UNC5A: variants seen among roughly 807,000 people sequenced by gnomAD.
UNC5A encodes netrin receptor UNC5A.
UNC5A carries 20 observed loss-of-function variants against 87.4 expected under a neutral mutation model. The ratio of observed to expected loss-of-function variants is 0.23; its 90% CI spans 0.16 to 0.33. The LOEUF (loss-of-function observed/expected upper bound fraction) is 0.33, where lower values mean the gene tolerates loss of function less well. UNC5A is among the 10% of genes least tolerant of loss of function. UNC5A has a pLI of 1.00. For synonymous variants in UNC5A, 438 were observed against 482.3 expected, an observed-to-expected ratio of 0.91 and a Z score of 1.20; for missense variants, 844 against 1,133.4, an observed-to-expected ratio of 0.74 and a Z score of 3.67.
chr5:176,877,944 G>C lies in UNC5A; in HGVS notation c.1686G>C (p.Gln562His). 1 of 1,603,958 alleles carries C rather than the reference G, an allele frequency of 6.2e-7. No individual in the cohort carries two copies. The change falls in exon 11 of 15, where the codon CAG becomes CAC. Residue 562 changes from glutamine to histidine, a missense_variant. By Grantham distance (24) the Gln-to-His change is conservative (BLOSUM62 0). Coordinates refer to ENST00000329542, the MANE Select transcript of UNC5A (RefSeq NM_133369.3). ...EEAPSHLYYC[Q>H]LEASACYVFT... ...CGCCCTCCCACCTCTACTACTGCCA[G>C]CTGGAGGCCAGTGCCTGCTACGTCT... is the stretch of plus-strand genomic sequence containing the variant.
chr5:176,875,853 T>G lies in UNC5A; in HGVS notation c.1378+1287T>G, dbSNP rs1191976913. On this transcript the variant is annotated intron_variant, in intron 8 of 14. Transcript: ENST00000329542. The surrounding 1 kb of genome is among the most constrained non-coding windows in gnomAD (Gnocchi z 5.2). ...CCCACCAGCTCAGCTGGGACTTCTC[T>G]TTTGGGTCCCCGCCTGACAGCTCTT... Among the ~76,000 whole-genome samples, 1 of 152,192 alleles carries G rather than the reference T, an allele frequency of 6.6e-6. No individual in the cohort carries two copies. Among genetic ancestry groups the G allele is most frequent in the Non-Finnish European group, 1.5e-5 (1 of 68,038 alleles).
intron 1 of UNC5A, among the ~76,000 whole-genome samples, chr5:176,850,931 CCCAG>C (rs1757525722): frequency 2.0e-5 from 3 of 151,928 alleles, no homozygotes; most frequent in African/African-American, 7.3e-5. Context: ...CCCAGGACTT[CCCAG>C]TGCTCCCAGG....
In UNC5A at chr5:176,834,434, G is replaced by A. The variant is rs183196267; in HGVS notation, c.70+23614G>A. Among the ~76,000 whole-genome samples, 7 of 152,292 alleles carry A rather than the reference G, an allele frequency of 4.6e-5. No individual in the cohort carries two copies. The East Asian group carries it at 9.7e-4, about 21-fold the overall frequency. Reference sequence around the variant, plus strand: ...ATTTATTCCCCAGGGCCCAGGAGGGGCCATTCATTTAAAGAGTTTTCTATG... The same window carrying A: ...ATTTATTCCCCAGGGCCCAGGAGGGACCATTCATTTAAAGAGTTTTCTATG... On this transcript the variant is annotated intron_variant, in intron 1 of 14. Coordinates refer to ENST00000329542, the MANE Select transcript of UNC5A (RefSeq NM_133369.3).
intron 6 of UNC5A, among the ~76,000 whole-genome samples, chr5:176,873,240 T>C (rs557985594): frequency 1.1e-4 from 17 of 151,972 alleles, no homozygotes; most frequent in Non-Finnish European, 1.9e-4. Context: ...CAAGTGCACA[T>C]ACAGGTCCTG....
At position 176,880,832 on chromosome 5, in the gene UNC5A, G is replaced by T. The variant is rs751463625; in HGVS notation, c.*946G>T. ...TGGCCTTATGTACACAGCCTTGCCC[G>T]GCCGCCGGGGCACATAGGGGTTTTA... On this transcript the variant is annotated 3_prime_UTR_variant, in exon 15 of 15. Coordinates refer to ENST00000329542, the MANE Select transcript of UNC5A (RefSeq NM_133369.3). 2.3e-6 allele frequency: 1 copy of T among 426,830 alleles called. No homozygotes were observed. The highest frequency in any genetic ancestry group is 4.1e-6 in the Non-Finnish European group (1 of 243,830). The allele number at this position is 426,830 out of a possible 1,614,324, so 26.4% of individuals were successfully genotyped here. A position where few individuals can be genotyped will look rare whatever the true frequency, so the allele number is the denominator to read the frequency against.
intron 1 of UNC5A, among the ~76,000 whole-genome samples, chr5:176,847,995 TTC>T (rs1298528518): frequency 6.6e-6 from 1 of 152,052 alleles, no homozygotes; most frequent in Non-Finnish European, 1.5e-5. Flanking sequence ...AGGGCTGGGC[TTC>T]TTGAGGGCGG....
At chr5:176,813,927 A>C (rs956152341) in intron 1 of UNC5A, among the ~76,000 whole-genome samples, 7 of 151,934 alleles carry the variant, frequency 4.6e-5, no homozygotes, top group Admixed American at 2.6e-4. Flanking sequence ...CCCCTCTCCC[A>C]ATGCCCCCTC....
At position 176,815,444 on chromosome 5, in the gene UNC5A, G is replaced by C. The variant is rs930144245; in HGVS notation, c.70+4624G>C. The stretch of plus-strand genomic sequence containing the variant: ...CAGGCTAAGCTTTGGAGGCAGTCAG[G>C]GTCAACTTCCAACCCAAGCCTCGTG... On this transcript the variant is annotated intron_variant, in intron 1 of 14. Coordinates refer to ENST00000329542, the MANE Select transcript of UNC5A (RefSeq NM_133369.3). Among the ~76,000 whole-genome samples the C allele has an allele frequency of 1.1e-4, 17 of 152,200 alleles. No individual in the cohort carries two copies. In the South Asian group the frequency reaches 1.7e-3, roughly 15 times the overall value.
intron 1 of UNC5A, among the ~76,000 whole-genome samples, chr5:176,826,636 CTTTTTT>C (rs34466725): frequency 8.2e-5 from 6 of 72,748 alleles, no homozygotes; most frequent in East Asian, 8.6e-4. Flanking sequence ...AGTTTCCAAA[CTTTTTT>C]TTTTTTTTTT....
chr5:176,847,915 A>G (rs1311291623), intron 1 of UNC5A, among the ~76,000 whole-genome samples: 3 of 149,962 alleles, frequency 2.0e-5, no homozygotes, highest in Non-Finnish European at 4.4e-5. Flanking sequence ...ACATGGAAGC[A>G]GCGCCTGCGT....
At chr5:176,839,833 T>TTTTTC (rs1017880692) in intron 1 of UNC5A, among the ~76,000 whole-genome samples, 3 of 141,356 alleles carry the variant, frequency 2.1e-5, no homozygotes, top group African/African-American at 8.6e-5. Context: ...TTTTTTTTTT[T>TTTTTC]CTTGACAGAG....
At chr5:176,817,102 G>A (rs938720257) in intron 1 of UNC5A, among the ~76,000 whole-genome samples, 2 of 152,346 alleles carry the variant, frequency 1.3e-5, no homozygotes, top group Non-Finnish European at 2.9e-5. Context: ...TTTTGATGGG[G>A]GAGGGGCCAT....
chr5:176,840,726 A>G (rs1188948670), intron 1 of UNC5A, among the ~76,000 whole-genome samples: 2 of 152,170 alleles, frequency 1.3e-5, no homozygotes, highest in African/African-American at 4.8e-5. Context: ...TAACTCCACA[A>G]CCAAGAGGAC....
In UNC5A at chr5:176,854,322, G is replaced by A. The variant is rs372377619; in HGVS notation, c.71-8302G>A. On this transcript the variant is annotated intron_variant, in intron 1 of 14. Coordinates refer to ENST00000329542, the MANE Select transcript of UNC5A (RefSeq NM_133369.3). ...TCTCTGTCTCTCTAACAGCAAGTGC[G>A]GAACGTGTCCCTGCTTATCAGAGCC... is the stretch of plus-strand genomic sequence containing the variant. Among the ~76,000 whole-genome samples, 162 of 152,294 alleles carry A rather than the reference G, an allele frequency of 1.1e-3. 1 individual carries two copies. Among genetic ancestry groups the A allele is most frequent in the African/African-American group, 3.5e-3 (147 of 41,544 alleles).
Position 176,824,802 on chromosome 5 carries a change from T to C in UNC5A, c.70+13982T>C, listed in dbSNP as rs1456523611. The stretch of plus-strand genomic sequence containing the variant: ...CACCACCTGTGTGCCCCCTGCTCTG[T>C]GTACCCCCTACCTTGTGTACTCTCT... On this transcript the variant is annotated intron_variant, in intron 1 of 14. Coordinates refer to ENST00000329542, the MANE Select transcript of UNC5A (RefSeq NM_133369.3). The surrounding 1 kb of genome is among the most constrained non-coding windows in gnomAD (Gnocchi z 4.2). Among the ~76,000 whole-genome samples the C allele has an allele frequency of 7.2e-6, 1 of 138,638 alleles. No homozygotes were observed. Among genetic ancestry groups the C allele is most frequent in the African/African-American group, 2.7e-5 (1 of 36,912 alleles). The allele number at this position is 138,638 out of a possible 152,430, so 91.0% of individuals were successfully genotyped here. A position where few individuals can be genotyped will look rare whatever the true frequency, so the allele number is the denominator to read the frequency against.
intron 1 of UNC5A, among the ~76,000 whole-genome samples, chr5:176,850,936 TGCTCCCAGGACTTTC>T (rs1757526099): frequency 2.0e-5 from 3 of 152,028 alleles, no homozygotes; most frequent in African/African-American, 7.2e-5. Flanking sequence ...GACTTCCCAG[TGCTCCCAGGACTTTC>T]CAGTGCTCCC....
chr5:176,863,655 G>A (rs1340912230), intron 2 of UNC5A, among the ~76,000 whole-genome samples: 1 of 151,602 alleles, frequency 6.6e-6, no homozygotes, highest in East Asian at 1.9e-4. Context: ...TCTGGGTTCC[G>A]CAACTCCCCC....
Position 176,865,025 on chromosome 5 carries a change from A to T in UNC5A, c.292+2180A>T. ...TGGGCTCAGTTTCTTCATCTGTAAA[A>T]TGGGGGTGAGGAGACCTCCCCTCCA... On this transcript the variant is annotated intron_variant, in intron 2 of 14. Transcript: ENST00000329542. The surrounding 1 kb of genome is among the most constrained non-coding windows in gnomAD (Gnocchi z 5.3). 8.5e-6 allele frequency: 3 copies of T among 354,620 alleles called. No individual in the cohort carries two copies. The highest frequency in any genetic ancestry group is 1.7e-5 in the Non-Finnish European group (3 of 179,168). 22.0% of individuals were successfully genotyped at this position (354,620 alleles called of 1,614,324 possible). A position where few individuals can be genotyped will look rare whatever the true frequency, so the allele number is the denominator to read the frequency against.
intron 1 of UNC5A, among the ~76,000 whole-genome samples, chr5:176,842,510 T>TATATATATATATATA (rs1757301926): frequency 3.3e-5 from 5 of 151,126 alleles, no homozygotes; most frequent in African/African-American, 1.2e-4. Context: ...TATATATATA[T>TATATATATATATATA]GATGGAATAC....
Sources: gnomAD v4.1 joint callset for allele counts (sites outside exome capture counted in the v4.1 genomes callset) on GRCh38, gnomAD v4.1.1 for gene constraint, Gnocchi (gnomAD v3.1) non-coding constraint, MANE v1.5 for transcripts, NCBI Gene and HGNC (gene_info 2026-07-23, HGNC 2026-07-21) for gene names.